The following FBXW7 variants were observed in gnomAD, a reference collection of about 807,000 sequenced individuals.
FBXW7 encodes the protein F-box and WD repeat domain containing 7.
Under a neutral mutation model 86.3 loss-of-function variants are expected in FBXW7, and 11 were observed. That is an observed-to-expected ratio of 0.13 (90% CI 0.08 to 0.21). The LOEUF (loss-of-function observed/expected upper bound fraction) is 0.21. FBXW7 is among the 10% of genes least tolerant of loss of function. The pLI is 1.00. For missense variants in FBXW7, 488 were observed against 847.4 expected (o/e 0.58, Z 5.27); for synonymous variants, 313 against 297.9 (o/e 1.05, Z -0.52).
intron 2 of FBXW7, among the ~76,000 whole-genome samples, chr4:152,434,196 TGTCGTACGGACA>T (rs1740170728): frequency 6.6e-6 from 1 of 152,196 alleles, no homozygotes; most frequent in African/African-American, 2.4e-5. Flanking sequence ...GGACAGTAAG[TGTCGTACGGACA>T]GCTGAGTTTC....
At chr4:152,326,334 C>A (rs1336788580) in intron 11 of FBXW7, 103 bp from the exon 12 acceptor site, 1 of 548,988 alleles carries the variant, frequency 1.8e-6, no homozygotes, top group East Asian at 3.3e-5. Context: ...GGTTTTTTAG[C>A]TTTTTTTTTT....
intron 4 of FBXW7, among the ~76,000 whole-genome samples, chr4:152,404,762 AT>A (rs1737256069): frequency 6.6e-6 from 1 of 152,144 alleles, no homozygotes; most frequent in Non-Finnish European, 1.5e-5. Context: ...TGACGTGCCC[AT>A]TTACAATTTC....
At chr4:152,380,032 T>C (rs536124249) in intron 4 of FBXW7, among the ~76,000 whole-genome samples, 11 of 152,296 alleles carry the variant, frequency 7.2e-5, no homozygotes, top group African/African-American at 2.4e-4. Flanking sequence ...CAAATTTTAA[T>C]AGATCAAGAC....
At chr4:152,385,839 T>C (rs569854718) in intron 4 of FBXW7, among the ~76,000 whole-genome samples, 4 of 152,078 alleles carry the variant, frequency 2.6e-5, no homozygotes, top group East Asian at 1.9e-4. Context: ...AATCCTGTGT[T>C]TGTCATAATA....
intron 2 of FBXW7, among the ~76,000 whole-genome samples, chr4:152,527,865 TACACACACACAC>T (rs149379203): frequency 4.0e-4 from 55 of 137,480 alleles, no homozygotes; most frequent in East Asian, 1.1e-3. Context: ...AAAAATTATA[TACACACACACAC>T]ACACACACAC....
In FBXW7 at chr4:152,535,728, C is replaced by T. The variant is rs1294584732; in HGVS notation, c.-814G>A. Reference sequence around the variant, plus strand: ...CGGGACGAGGCAGAAGCTCTGGCGCCTCCTCAGCGTTCTCTCACCGCGGAG... The same window carrying T: ...CGGGACGAGGCAGAAGCTCTGGCGCTTCCTCAGCGTTCTCTCACCGCGGAG... On this transcript the variant is annotated 5_prime_UTR_variant, in exon 1 of 14. Coordinates refer to ENST00000281708, the MANE Select transcript of FBXW7 (RefSeq NM_001349798.2). The T allele has an allele frequency of 1.5e-5, 6 of 395,156 alleles. No individual in the cohort carries two copies. In the East Asian group the frequency reaches 2.2e-4, roughly 14 times the overall value. The allele number at this position is 395,156 out of a possible 1,614,324, so 24.5% of individuals were successfully genotyped here. A position where few individuals can be genotyped will look rare whatever the true frequency, so the allele number is the denominator to read the frequency against.
chr4:152,372,371 T>G (rs1312203861), intron 4 of FBXW7, among the ~76,000 whole-genome samples: 2 of 152,004 alleles, frequency 1.3e-5, no homozygotes, highest in Non-Finnish European at 2.9e-5. Context: ...GAGACAGCTG[T>G]GTTCCTAAAT....
chr4:152,454,049 TACTC>T lies in FBXW7; in HGVS notation c.-119-41524_-119-41521del, dbSNP rs1482617381. Among the ~76,000 whole-genome samples the T allele has an allele frequency of 3.9e-5, 6 of 152,300 alleles. No homozygotes were observed. The South Asian group carries it at 1.0e-3, about 26-fold the overall frequency. ...TAAATAATTTGGCCACTGCCTTTCA[TACTC>T]ACAAAGTCACTATACACATTCAAAA... On this transcript the variant is annotated intron_variant, in intron 2 of 13. Coordinates refer to ENST00000281708, the MANE Select transcript of FBXW7 (RefSeq NM_001349798.2).
At chr4:152,391,069 T>C (rs929135418) in intron 4 of FBXW7, among the ~76,000 whole-genome samples, 2 of 152,056 alleles carry the variant, frequency 1.3e-5, no homozygotes, top group Non-Finnish European at 2.9e-5. Context: ...CAATTATAAA[T>C]AAAAATCAAT....
chr4:152,367,185 T>A (rs1733568230), intron 4 of FBXW7, among the ~76,000 whole-genome samples: 1 of 152,138 alleles, frequency 6.6e-6, no homozygotes, highest in Admixed American at 6.6e-5. Context: ...AAATGACAAG[T>A]TAATGGGTAC....
intron 4 of FBXW7, among the ~76,000 whole-genome samples, chr4:152,366,042 GAAAT>G (rs1258206510): frequency 1.3e-5 from 2 of 152,036 alleles, no homozygotes; most frequent in Non-Finnish European, 2.9e-5. Flanking sequence ...TAGAGCTACA[GAAAT>G]AACAACAGAA....
chr4:152,326,693 A>C (rs1374054508), intron 11 of FBXW7, among the ~76,000 whole-genome samples: 2 of 152,120 alleles, frequency 1.3e-5, no homozygotes, highest in African/African-American at 4.8e-5. Context: ...GCCATTTTCC[A>C]AAATTTCAAT....
intron 2 of FBXW7, among the ~76,000 whole-genome samples, chr4:152,490,252 G>A (rs1347737602): frequency 1.3e-5 from 2 of 151,998 alleles, no homozygotes; most frequent in East Asian, 3.8e-4. Context: ...GGACAGAGAT[G>A]GATGGTTGCA....
intron 4 of FBXW7, among the ~76,000 whole-genome samples, chr4:152,405,924 G>A (rs555819319): frequency 6.6e-6 from 1 of 152,336 alleles, no homozygotes; most frequent in South Asian, 2.1e-4. Context: ...CCACTCAGAT[G>A]ATGATGCCCA....
At chr4:152,433,623 C>T (rs1740103696) in intron 2 of FBXW7, among the ~76,000 whole-genome samples, 1 of 152,180 alleles carries the variant, frequency 6.6e-6, no homozygotes, top group African/African-American at 2.4e-5. Context: ...CAGATTTTAG[C>T]TTCCATATGC....
chr4:152,359,048 T>TG (rs1732674334), intron 4 of FBXW7, among the ~76,000 whole-genome samples: 1 of 152,194 alleles, frequency 6.6e-6, no homozygotes, highest in Non-Finnish European at 1.5e-5. Flanking sequence ...AAATTACAAG[T>TG]AAATCTTGAT....
chr4:152,380,963 A>C (rs1735010860), intron 4 of FBXW7, among the ~76,000 whole-genome samples: 1 of 152,066 alleles, frequency 6.6e-6, no homozygotes, highest in Non-Finnish European at 1.5e-5. Flanking sequence ...AAGCTACTAA[A>C]ATGACAAGGT....
At chr4:152,390,317 T>C (rs1735893193) in intron 4 of FBXW7, among the ~76,000 whole-genome samples, 1 of 152,096 alleles carries the variant, frequency 6.6e-6, no homozygotes. Context: ...ACTATCCCAC[T>C]GAATTTTCTA....
At chr4:152,426,630 A>C (rs1739408101) in intron 2 of FBXW7, among the ~76,000 whole-genome samples, 1 of 152,074 alleles carries the variant, frequency 6.6e-6, no homozygotes, top group Non-Finnish European at 1.5e-5. Flanking sequence ...CAGAGATCAG[A>C]CCTGTAACAG....
Sources: gnomAD v4.1 joint callset for allele counts (sites outside exome capture counted in the v4.1 genomes callset) on GRCh38, gnomAD v4.1.1 for gene constraint, MANE v1.5 for transcripts, NCBI Gene and HGNC (gene_info 2026-07-23, HGNC 2026-07-21) for gene names.